The following CFAP46 variants were observed in gnomAD, a reference collection of about 807,000 sequenced individuals.
CFAP46 encodes the protein cilia and flagella associated protein 46.
In CFAP46, 245 loss-of-function variants were observed where a neutral mutation model predicts 325.7. That is an observed-to-expected ratio of 0.75 (90% CI 0.68 to 0.84). CFAP46 has a LOEUF of 0.84. Among genes scored for constraint, CFAP46 ranks in the 40% least tolerant of loss-of-function variants. The probability of loss-of-function intolerance (pLI) is 0.00; values close to 1 mark genes in which losing one functional copy is unlikely to be tolerated. For synonymous variants in CFAP46, 1,523 were observed against 1,495.9 expected, an observed-to-expected ratio of 1.02 and a Z score of -0.42; for missense variants, 3,346 against 3,543.0, an observed-to-expected ratio of 0.94 and a Z score of 1.41.
rs1320570611 is a variant in CFAP46 at position 132,828,171 on chromosome 10, T to C, written c.7117+5187A>G. Among the ~76,000 whole-genome samples the C allele has an allele frequency of 2.6e-5, 4 of 152,222 alleles. No individual in the cohort carries two copies. The East Asian group carries it at 5.8e-4, about 22-fold the overall frequency. ...ATTGCAGATAACGCTGCTGTAAACA[T>C]GTGTATGAGTTTCTGCGGGACGCGT... On this transcript the variant is annotated intron_variant, in intron 50 of 57. Transcript: ENST00000368586. This position sits in a 1 kb window ranked among gnomAD's most constrained non-coding sequence, Gnocchi z 4.9.
chr10:132,938,896 A>G, intron 4 of CFAP46, 143 bp from the exon 5 acceptor site: 1 of 704,652 alleles, frequency 1.4e-6, no homozygotes, highest in Non-Finnish European at 2.3e-6. Context: ...GCCCCACCTG[A>G]GAAGCTTTGG....
At chr10:132,881,760 C>T (rs1204753645) in intron 27 of CFAP46, among the ~76,000 whole-genome samples, 3 of 152,272 alleles carry the variant, frequency 2.0e-5, no homozygotes, top group Non-Finnish European at 2.9e-5. Context: ...GGGTGGACCT[C>T]GCACTGGCAC....
At chr10:132,933,591 C>T (rs1417724975) in intron 8 of CFAP46, among the ~76,000 whole-genome samples, 1 of 152,260 alleles carries the variant, frequency 6.6e-6, no homozygotes, top group African/African-American at 2.4e-5. Flanking sequence ...GACCCACCAG[C>T]AGGCTGGCCC....
chr10:132,886,008 A>C lies in CFAP46; in HGVS notation c.3305-49T>G. The C allele has an allele frequency of 6.5e-7, 1 of 1,539,652 alleles. No individual in the cohort carries two copies. Reference sequence around the variant, plus strand: ...CCTTGGAGCCGCCTGATCCCTCATCAAAGGCGCCCTCGGACCTCCCAGACT... The same window carrying C: ...CCTTGGAGCCGCCTGATCCCTCATCCAAGGCGCCCTCGGACCTCCCAGACT... On this transcript the variant is annotated intron_variant, in intron 25 of 57. Transcript: ENST00000368586. This position sits in a 1 kb window ranked among gnomAD's most constrained non-coding sequence, Gnocchi z 5.8.
intron 1 of CFAP46, 94 bp from the exon 2 acceptor site, chr10:132,942,198 G>A: frequency 1.4e-6 from 2 of 1,471,130 alleles, no homozygotes; most frequent in African/African-American, 1.4e-5. Context: ...CAGCCGCCTT[G>A]GGCCCCCGGG....
Position 132,942,050 on chromosome 10 carries a change from T to A in CFAP46, c.104A>T (p.Lys35Ile). 6.4e-7 allele frequency: 1 copy of A among 1,551,796 alleles called. No individual in the cohort carries two copies. Residue 35 changes from lysine (K) to isoleucine (I), a missense_variant, in exon 2 of 58, where the codon AAA (lysine) becomes ATA (isoleucine). Physicochemically the swap from Lys to Ile is moderately radical, Grantham distance 102. Coordinates refer to ENST00000368586, the MANE Select transcript of CFAP46 (RefSeq NM_001200049.3). The stretch of plus-strand genomic sequence containing the variant: ...GCTCTCTGAGGGGTCAAACTCCGAT[T>A]TCCCTAGGTTGGCCGATTTGATCAA... ...YELIKSANLG[K>I]SEFDPSESFS...
intron 27 of CFAP46, among the ~76,000 whole-genome samples, chr10:132,883,409 C>T (rs1591070466): frequency 6.6e-6 from 1 of 152,240 alleles, no homozygotes; most frequent in East Asian, 1.9e-4. Context: ...AAAATACAGG[C>T]AAACACGAGG....
chr10:132,920,168 T>G lies in CFAP46; in HGVS notation c.1621A>C (p.Asn541His). The G allele has an allele frequency of 6.5e-7, 1 of 1,543,842 alleles. No homozygotes were observed. Among genetic ancestry groups the G allele is most frequent in the Non-Finnish European group, 8.7e-7 (1 of 1,144,460 alleles). ...ENEAKVSTGK[N>H]RGRFTYLCAK... ...CAGAGGTAGGTGAACCGGCCCCTGT[T>G]CTTCCCGGTGGAGACTGAGGGCGGA... The change falls in exon 14 of 58, where the codon AAC (asparagine) becomes CAC (histidine). Residue 541 changes from asparagine (N) to histidine (H), a missense_variant. Transcript: ENST00000368586.
intron 50 of CFAP46, among the ~76,000 whole-genome samples, chr10:132,831,220 CTGTGTG>C (rs56965336): frequency 1.4e-5 from 2 of 148,088 alleles, no homozygotes; most frequent in East Asian, 2.0e-4. Flanking sequence ...GTCAAATGTT[CTGTGTG>C]TGTGTGTGTG....
intron 22 of CFAP46, among the ~76,000 whole-genome samples, chr10:132,900,410 C>T (rs552743466): frequency 2.6e-5 from 4 of 152,384 alleles, no homozygotes; most frequent in South Asian, 2.1e-4. Context: ...GCAGGATTCT[C>T]GCCATGGATG....
chr10:132,870,840 G>T (rs1193902318), intron 32 of CFAP46, among the ~76,000 whole-genome samples: 1 of 152,248 alleles, frequency 6.6e-6, no homozygotes, highest in African/African-American at 2.4e-5. Flanking sequence ...TAAGAGCATG[G>T]ATGGTGGCTA....
chr10:132,823,773 G>A (rs1278460548), intron 50 of CFAP46, among the ~76,000 whole-genome samples: 5 of 120,442 alleles, frequency 4.2e-5, no homozygotes, highest in East Asian at 2.4e-4. Context: ...TGTGCTGTGT[G>A]CTGTGTGTGC....
intron 45 of CFAP46, 141 bp from the exon 46 acceptor site, chr10:132,836,359 G>A (rs925824972): frequency 2.8e-5 from 20 of 721,226 alleles, no homozygotes; most frequent in Admixed American, 2.6e-4. Flanking sequence ...CCCCGTGTGC[G>A]CCTCCAGGGG....
chr10:132,824,447 T>C (rs1210080875), intron 50 of CFAP46, among the ~76,000 whole-genome samples: 1 of 125,062 alleles, frequency 8.0e-6, no homozygotes, highest in African/African-American at 3.1e-5. Flanking sequence ...TGTGTGCTGA[T>C]GTGTGCTGTG....
At position 132,867,492 on chromosome 10, in the gene CFAP46, G is replaced by T. The variant is rs893455148; in HGVS notation, c.4626C>A (p.Ile1542=). Residue 1542 remains isoleucine, a synonymous_variant, in exon 34 of 58, where the codon ATC becomes ATA. Transcript: ENST00000368586. ...ELEQASCRKE[I]ALKKEKNKEP... ...CCTTATTTTTCTCTTTTTTCAACGC[G>T]ATCTCTTTTCTGCAGCTAATGCGAG... The T allele has an allele frequency of 6.5e-7, 1 of 1,549,940 alleles. No homozygotes were observed. The highest frequency in any genetic ancestry group is 1.2e-5 in the South Asian group (1 of 83,942).
intron 7 of CFAP46, among the ~76,000 whole-genome samples, chr10:132,936,223 C>A (rs1241128822): frequency 8.4e-6 from 1 of 119,322 alleles, no homozygotes; most frequent in Non-Finnish European, 1.8e-5. Flanking sequence ...TCACTCCCCT[C>A]GGCACCCAAA....
chr10:132,876,811 C>T lies in CFAP46; in HGVS notation c.4362+1G>A, dbSNP rs1399551648. On this transcript the variant is annotated splice_donor_variant, in intron 31 of 57. Coordinates refer to ENST00000368586, the MANE Select transcript of CFAP46 (RefSeq NM_001200049.3). LOFTEE classifies it high-confidence loss of function. This position sits in a 1 kb window ranked among gnomAD's most constrained non-coding sequence, Gnocchi z 4.1. Reference sequence around the variant, plus strand: ...TGAGCCTTTTCTTTATGTCAACGTACCGGCTTCTGGATACTTGAGGGGTTC... The same window carrying T: ...TGAGCCTTTTCTTTATGTCAACGTATCGGCTTCTGGATACTTGAGGGGTTC... 3 of 1,548,114 alleles carry T rather than the reference C, an allele frequency of 1.9e-6. No individual in the cohort carries two copies. In the East Asian group the frequency reaches 7.3e-5, roughly 38 times the overall value.
At chr10:132,887,228 CT>C (rs1849152628) in intron 25 of CFAP46, among the ~76,000 whole-genome samples, 1 of 99,630 alleles carries the variant, frequency 1.0e-5, no homozygotes, top group African/African-American at 6.2e-5. Context: ...TCTTCTCTCT[CT>C]CCTCTCCCCT....
intron 50 of CFAP46, among the ~76,000 whole-genome samples, chr10:132,816,094 G>A (rs1440338092): frequency 6.6e-6 from 1 of 152,178 alleles, no homozygotes. Context: ...GCATCGGAAG[G>A]TGTTTTCTCC....
Sources: gnomAD v4.1 joint callset for allele counts (sites outside exome capture counted in the v4.1 genomes callset) on GRCh38, gnomAD v4.1.1 for gene constraint, Gnocchi (gnomAD v3.1) non-coding constraint, MANE v1.5 for transcripts, NCBI Gene and HGNC (gene_info 2026-07-23, HGNC 2026-07-21) for gene names.